Variants in PTPRD observed in about 807,000 individuals in gnomAD.
The protein encoded by PTPRD is protein tyrosine phosphatase receptor type D.
PTPRD carries 34 observed loss-of-function variants against 214.5 expected under a neutral mutation model. The ratio of observed to expected loss-of-function variants is 0.16; its 90% CI spans 0.12 to 0.21. The LOEUF (loss-of-function observed/expected upper bound fraction) is 0.21, where lower values mean the gene tolerates loss of function less well. PTPRD is among the 10% of genes least tolerant of loss of function. The pLI is 1.00. For synonymous variants in PTPRD, 1,128 were observed against 845.7 expected (o/e 1.33, Z -5.79); for missense variants, 2,545 against 2,398.7 (o/e 1.06, Z -1.27).
chr9:8,730,942 C>T (rs1355952627), intron 12 of PTPRD, among the ~76,000 whole-genome samples: 1 of 36,204 alleles, frequency 2.8e-5, no homozygotes, highest in Non-Finnish European at 6.8e-5. Flanking sequence ...CCATTCAAGA[C>T]ACCGGAATGA....
chr9:8,649,112 T>C (rs2096753691), intron 12 of PTPRD, among the ~76,000 whole-genome samples: 1 of 152,350 alleles, frequency 6.6e-6, no homozygotes, highest in Middle Eastern at 3.4e-3. Flanking sequence ...CCCAATTTTA[T>C]GTTGCCAAAC....
intron 11 of PTPRD, among the ~76,000 whole-genome samples, chr9:8,906,060 G>A (rs2154255891): frequency 6.6e-6 from 1 of 152,104 alleles, no homozygotes; most frequent in South Asian, 2.1e-4. Flanking sequence ...AAAGCTCAGA[G>A]AGACACATGG....
At chr9:9,594,456 G>A (rs2154331106) in intron 7 of PTPRD, among the ~76,000 whole-genome samples, 1 of 152,126 alleles carries the variant, frequency 6.6e-6, no homozygotes, top group Admixed American at 6.6e-5. Flanking sequence ...TGCATAAGGT[G>A]AGAGATGAGG....
chr9:8,455,855 A>T (rs1407971), intron 33 of PTPRD, among the ~76,000 whole-genome samples: 11,881 of 152,256 alleles, frequency 0.078, 524 homozygotes, highest in East Asian at 0.13. Context: ...CTAGTGAATT[A>T]TCAGTTCTAT....
intron 27 of PTPRD, 58 bp downstream of exon 27, chr9:8,492,804 T>C (rs201064171): frequency 2.4e-5 from 30 of 1,265,800 alleles, no homozygotes; most frequent in Non-Finnish European, 3.1e-5. Context: ...AAGCTACCTA[T>C]ACCATTTAAA....
At chr9:9,913,567 G>T (rs2079834491) in intron 5 of PTPRD, among the ~76,000 whole-genome samples, 1 of 152,124 alleles carries the variant, frequency 6.6e-6, no homozygotes, top group Non-Finnish European at 1.5e-5. Flanking sequence ...TGGAAATTCA[G>T]GAGGGCAGCA....
intron 45 of PTPRD, among the ~76,000 whole-genome samples, chr9:8,318,565 G>A (rs372940619): frequency 2.0e-4 from 30 of 152,084 alleles, no homozygotes; most frequent in African/African-American, 6.0e-4. Context: ...TAGCTGGTGC[G>A]GCACACCAGG....
rs3046878 is a variant in PTPRD at position 8,870,687 on chromosome 9, AACACACAC to A, written c.-103-136749_-103-136742del. 4.1e-3 allele frequency among the ~76,000 whole-genome samples: 535 copies of A among 131,468 alleles called. 2 individuals are homozygous for A. The highest frequency in any genetic ancestry group is 0.014 in the African/African-American group (489 of 34,948). 86.2% of individuals were successfully genotyped at this position (131,468 alleles called of 152,430 possible). On this transcript the variant is annotated intron_variant, in intron 11 of 45. Transcript: ENST00000381196. Reference sequence around the variant, plus strand: ...ACAGGGTTATAAGACACAGACATGAAACACACACACACACACACACACACACACACACA... The same window carrying A: ...ACAGGGTTATAAGACACAGACATGAAACACACACACACACACACACACACA...
intron 8 of PTPRD, among the ~76,000 whole-genome samples, chr9:9,416,480 G>T (rs1208500724): frequency 1.3e-5 from 2 of 152,128 alleles, no homozygotes; most frequent in Non-Finnish European, 2.9e-5. Context: ...ACTGCCTTGT[G>T]AACAGAGCGT....
At chr9:9,751,137 C>T (rs1437988663) in intron 6 of PTPRD, among the ~76,000 whole-genome samples, 1 of 151,978 alleles carries the variant, frequency 6.6e-6, no homozygotes, top group Non-Finnish European at 1.5e-5. Context: ...GAAAATTGCT[C>T]CTAGGTGCTA....
intron 14 of PTPRD, among the ~76,000 whole-genome samples, chr9:8,608,090 T>C (rs1264501003): frequency 1.3e-5 from 2 of 151,542 alleles, no homozygotes; most frequent in Non-Finnish European, 2.9e-5. Flanking sequence ...ATTCCGCATA[T>C]AGCTGAGAAT....
intron 4 of PTPRD, among the ~76,000 whole-genome samples, chr9:9,940,442 G>A (rs777678898): frequency 4.6e-5 from 7 of 152,034 alleles, no homozygotes; most frequent in East Asian, 1.9e-4. Flanking sequence ...AAGGAAAAAC[G>A]GAAGAGATCC....
intron 10 of PTPRD, among the ~76,000 whole-genome samples, chr9:9,149,571 A>G (rs938322669): frequency 6.6e-6 from 1 of 152,204 alleles, no homozygotes; most frequent in Non-Finnish European, 1.5e-5. Flanking sequence ...CAGCTTCAGC[A>G]ACATGTTCAT....
At chr9:9,736,595 T>A (rs1241346770) in intron 6 of PTPRD, among the ~76,000 whole-genome samples, 1 of 152,036 alleles carries the variant, frequency 6.6e-6, no homozygotes, top group Admixed American at 6.6e-5. Context: ...TTGTTGCACT[T>A]TTCCAGAAAA....
chr9:9,437,528 T>C (rs2085799862), intron 8 of PTPRD, among the ~76,000 whole-genome samples: 1 of 152,182 alleles, frequency 6.6e-6, no homozygotes, highest in Admixed American at 6.5e-5. Context: ...TTCTTTTCTC[T>C]ATTATCTGGC....
chr9:9,920,881 T>C (rs187221190), intron 5 of PTPRD, among the ~76,000 whole-genome samples: 1 of 152,078 alleles, frequency 6.6e-6, no homozygotes, highest in Non-Finnish European at 1.5e-5. Flanking sequence ...TAACGCAGGA[T>C]GAACGAAGAA....
intron 2 of PTPRD, among the ~76,000 whole-genome samples, chr9:10,505,629 G>C (rs1485418300): frequency 1.3e-5 from 2 of 151,712 alleles, no homozygotes; most frequent in African/African-American, 2.4e-5. Context: ...GTTAAAGCAA[G>C]CATGCTCCAA....
At chr9:8,948,493 TTATATATATATTTATA>T (rs2099082382) in intron 11 of PTPRD, among the ~76,000 whole-genome samples, 4 of 48,438 alleles carry the variant, frequency 8.3e-5, no homozygotes, top group African/African-American at 3.6e-4. Context: ...ATATATATAT[TTATATATATATTTATA>T]TATATATATT....
At chr9:9,315,833 C>CTTTT (rs566821610) in intron 9 of PTPRD, among the ~76,000 whole-genome samples, 61 of 93,310 alleles carry the variant, frequency 6.5e-4, no homozygotes, top group Non-Finnish European at 8.8e-4. Context: ...TAGCAGACAA[C>CTTTT]TTTTTTTTTT....
Sources: allele counts gnomAD v4.1 joint callset (sites outside exome capture counted in the v4.1 genomes callset), GRCh38; gene constraint gnomAD v4.1.1; transcripts MANE v1.5; gene names NCBI Gene and HGNC (gene_info 2026-07-23, HGNC 2026-07-21).